Variants in ARHGAP44 observed in about 807,000 individuals in gnomAD.
ARHGAP44 encodes rho GTPase-activating protein 44.
In ARHGAP44, 43 loss-of-function variants were observed where a neutral mutation model predicts 106.8. The observed-to-expected ratio is 0.40, with a 90% CI of 0.32 to 0.52. ARHGAP44 has a LOEUF of 0.52. Ranked by LOEUF, ARHGAP44 falls within the 20% of genes least tolerant of loss-of-function variation. ARHGAP44 has a pLI of 0.48. For missense variants in ARHGAP44, 866 were observed against 1,050.5 expected (o/e 0.82, Z 2.43); for synonymous variants, 439 against 410.3 (o/e 1.07, Z -0.85).
At chr17:12,891,003 T>C (rs933889587) in intron 1 of ARHGAP44, among the ~76,000 whole-genome samples, 1 of 152,188 alleles carries the variant, frequency 6.6e-6, no homozygotes, top group African/African-American at 2.4e-5. Context: ...TAATAAGATA[T>C]TTTTCATTCT....
intron 3 of ARHGAP44, among the ~76,000 whole-genome samples, chr17:12,902,423 C>T (rs959354176): frequency 1.7e-4 from 26 of 152,232 alleles, no homozygotes; most frequent in African/African-American, 5.8e-4. Context: ...CTAATCCCAT[C>T]TCCCTATTTT....
At chr17:12,858,959 T>C (rs1454617134) in intron 1 of ARHGAP44, among the ~76,000 whole-genome samples, 2 of 152,162 alleles carry the variant, frequency 1.3e-5, no homozygotes, top group African/African-American at 2.4e-5. Context: ...TGAGACTTAC[T>C]ACCACGAGAA....
chr17:12,980,994 A>C (rs975261026), intron 19 of ARHGAP44: 1 of 152,284 alleles, frequency 6.6e-6, no homozygotes, highest in South Asian at 2.1e-4. Context: ...CCTTCATGAC[A>C]GGCCCTTTTC....
At chr17:12,795,558 C>A (rs552725744) in intron 1 of ARHGAP44, among the ~76,000 whole-genome samples, 61 of 150,686 alleles carry the variant, frequency 4.0e-4, no homozygotes, top group Middle Eastern at 3.4e-3. Context: ...CAATAAGGAC[C>A]ATTTTTTTTT....
intron 7 of ARHGAP44, among the ~76,000 whole-genome samples, chr17:12,934,047 C>T (rs1395675705): frequency 2.0e-5 from 3 of 152,000 alleles, no homozygotes. Context: ...CAGGGTTTCA[C>T]CGTGTTAGCC....
chr17:12,909,079 C>T (rs2037645810), intron 4 of ARHGAP44, 106 bp downstream of exon 4: 2 of 982,652 alleles, frequency 2.0e-6, no homozygotes, highest in East Asian at 2.8e-5. Flanking sequence ...TCACTGGGGA[C>T]TTTAGTGGAA....
intron 7 of ARHGAP44, among the ~76,000 whole-genome samples, chr17:12,935,704 G>A (rs924090465): frequency 1.3e-5 from 2 of 152,106 alleles, no homozygotes; most frequent in Admixed American, 6.6e-5. Flanking sequence ...AAATAATGCA[G>A]GTATGGAATC....
At chr17:12,978,924 G>T (rs936711380) in intron 18 of ARHGAP44, among the ~76,000 whole-genome samples, 1 of 152,042 alleles carries the variant, frequency 6.6e-6, no homozygotes, top group African/African-American at 2.4e-5. Context: ...CCTGACCTCA[G>T]GTGACCTGCC....
At chr17:12,945,118 C>T (rs2038818493) in intron 10 of ARHGAP44, among the ~76,000 whole-genome samples, 1 of 151,936 alleles carries the variant, frequency 6.6e-6, no homozygotes, top group African/African-American at 2.4e-5. Context: ...TCAAGCGATT[C>T]TCCTGCCTCA....
At chr17:12,802,652 A>G (rs2034128772) in intron 1 of ARHGAP44, among the ~76,000 whole-genome samples, 1 of 151,754 alleles carries the variant, frequency 6.6e-6, no homozygotes, top group Non-Finnish European at 1.5e-5. Flanking sequence ...AGGCTCTTTA[A>G]TCAGTGACAT....
intron 6 of ARHGAP44, among the ~76,000 whole-genome samples, chr17:12,920,536 G>C (rs1324751147): frequency 3.9e-5 from 6 of 152,104 alleles, no homozygotes; most frequent in African/African-American, 1.2e-4. Context: ...CAGAGATCTG[G>C]TGCAAAGCAT....
chr17:12,818,685 A>G (rs751348905), intron 1 of ARHGAP44, among the ~76,000 whole-genome samples: 5 of 152,062 alleles, frequency 3.3e-5, no homozygotes, highest in Non-Finnish European at 7.4e-5. Flanking sequence ...CCTGCAGTGA[A>G]CAATTTAGAA....
At chr17:12,902,940 C>T (rs565411322) in intron 3 of ARHGAP44, among the ~76,000 whole-genome samples, 1 of 152,190 alleles carries the variant, frequency 6.6e-6, no homozygotes, top group South Asian at 2.1e-4. Context: ...CGCTATTAGA[C>T]TGGAGTGGCT....
In ARHGAP44 at chr17:12,854,223, A is replaced by G. The variant is rs376715625; in HGVS notation, c.54-40717A>G. On this transcript the variant is annotated intron_variant, in intron 1 of 20. Transcript: ENST00000379672. The stretch of plus-strand genomic sequence containing the variant: ...GCAGTTTCAAACAGCTTCTGTAGGC[A>G]CACCAAGCAGGGAGAATTAGCACTG... Among the ~76,000 whole-genome samples, 31 of 152,318 alleles carry G rather than the reference A, an allele frequency of 2.0e-4. No homozygotes were observed. The East Asian group carries it at 5.0e-3, about 25-fold the overall frequency.
intron 10 of ARHGAP44, among the ~76,000 whole-genome samples, chr17:12,944,642 C>G (rs1456063996): frequency 6.9e-6 from 1 of 145,336 alleles, no homozygotes; most frequent in African/African-American, 2.5e-5. Flanking sequence ...TGTGCCACCA[C>G]GCCCAGCTAA....
At chr17:12,983,264 T>TAA (rs56038306) in intron 19 of ARHGAP44, among the ~76,000 whole-genome samples, 18,652 of 95,444 alleles carry the variant, frequency 0.2, 2,069 homozygotes, top group East Asian at 0.3. Context: ...GACTCCATCT[T>TAA]AAAAAAAAAA....
rs569435699 is a variant in ARHGAP44, at chr17:12,811,700, G to A, written c.53+21809G>A. ...GTGTCAGCATTGAGTTGAATTTTAG[G>A]ACACCCAGTTGATGTCAGAGAACAG... On this transcript the variant is annotated intron_variant, in intron 1 of 20. Coordinates refer to ENST00000379672, the MANE Select transcript of ARHGAP44 (RefSeq NM_014859.6). Among the ~76,000 whole-genome samples the A allele has an allele frequency of 4.6e-5, 7 of 152,238 alleles. No individual in the cohort carries two copies. The South Asian group carries it at 8.3e-4, about 18-fold the overall frequency.
At chr17:12,840,335 C>T (rs765168220) in intron 1 of ARHGAP44, among the ~76,000 whole-genome samples, 2 of 152,172 alleles carry the variant, frequency 1.3e-5, no homozygotes, top group Admixed American at 6.5e-5. Flanking sequence ...GGTCATAATG[C>T]TTCTGCCATG....
chr17:12,860,563 G>A (rs2036040230), intron 1 of ARHGAP44, among the ~76,000 whole-genome samples: 1 of 152,186 alleles, frequency 6.6e-6, no homozygotes, highest in South Asian at 2.1e-4. Context: ...AATATCTACA[G>A]ATACATCTAT....
Sources: gnomAD v4.1 joint callset for allele counts (sites outside exome capture counted in the v4.1 genomes callset) on GRCh38, gnomAD v4.1.1 for gene constraint, MANE v1.5 for transcripts, NCBI Gene and HGNC (gene_info 2026-07-23, HGNC 2026-07-21) for gene names.